The following AGBL1 variants were observed in gnomAD, a reference collection of about 807,000 sequenced individuals.
AGBL1 encodes the protein cytosolic carboxypeptidase 4.
A neutral mutation model predicts 118.9 loss-of-function variants in AGBL1; 130 were observed. The observed-to-expected ratio is 1.09, with a 90% CI of 0.95 to 1.26. The LOEUF (loss-of-function observed/expected upper bound fraction) is 1.26. AGBL1 is among the 50% of genes most tolerant of loss of function. The probability of loss-of-function intolerance (pLI) is 0.00; values close to 1 mark genes in which losing one functional copy is unlikely to be tolerated. For missense variants in AGBL1, 1,584 were observed against 1,298.1 expected, an observed-to-expected ratio of 1.22 and a Z score of -3.38; for synonymous variants, 555 against 478.9, an observed-to-expected ratio of 1.16 and a Z score of -2.08.
intron 19 of AGBL1, among the ~76,000 whole-genome samples, chr15:86,528,057 T>C (rs1000217541): frequency 2.6e-5 from 4 of 152,160 alleles, no homozygotes; most frequent in African/African-American, 9.7e-5. Context: ...GTGTCAGGGA[T>C]ACAAAGAAAA....
At chr15:86,810,321 C>T (rs1219767857) in intron 22 of AGBL1, among the ~76,000 whole-genome samples, 2 of 152,024 alleles carry the variant, frequency 1.3e-5, no homozygotes, top group East Asian at 3.9e-4. Flanking sequence ...TACAACGTGA[C>T]CAAATATTTT....
At chr15:86,323,008 C>T (rs543279773) in intron 17 of AGBL1, among the ~76,000 whole-genome samples, 295 of 152,236 alleles carry the variant, frequency 1.9e-3, no homozygotes, top group Middle Eastern at 0.014. Flanking sequence ...TTCCTGGGAT[C>T]TGTGGAGTTG....
chr15:86,792,930 C>A (rs2078516198), intron 22 of AGBL1, among the ~76,000 whole-genome samples: 1 of 152,112 alleles, frequency 6.6e-6, no homozygotes, highest in East Asian at 1.9e-4. Flanking sequence ...TCAAGTCAGT[C>A]CCATTCTATA....
At chr15:86,459,022 C>T (rs1304649082) in intron 18 of AGBL1, among the ~76,000 whole-genome samples, 6 of 152,116 alleles carry the variant, frequency 3.9e-5, no homozygotes, top group East Asian at 3.8e-4. Flanking sequence ...TACATATCCT[C>T]GAATGAACTA....
intron 22 of AGBL1, among the ~76,000 whole-genome samples, chr15:86,839,827 T>C (rs2079220180): frequency 6.6e-6 from 1 of 152,124 alleles, no homozygotes. Flanking sequence ...TCAAGCTGGG[T>C]TCCAGCTTCA....
chr15:86,397,300 A>G, intron 17 of AGBL1, 66 bp from the exon 18 acceptor site: 2 of 1,192,270 alleles, frequency 1.7e-6, no homozygotes, highest in Non-Finnish European at 2.2e-6. Context: ...AAAGAAGTTT[A>G]GAAAACTATA....
At chr15:86,392,741 C>T (rs991999387) in intron 17 of AGBL1, among the ~76,000 whole-genome samples, 7 of 152,158 alleles carry the variant, frequency 4.6e-5, no homozygotes, top group African/African-American at 9.7e-5. Flanking sequence ...GTCATTACCA[C>T]TATAAATTCA....
chr15:86,705,309 A>T (rs1009754510), intron 22 of AGBL1, among the ~76,000 whole-genome samples: 12 of 152,126 alleles, frequency 7.9e-5, no homozygotes, highest in African/African-American at 2.9e-4. Flanking sequence ...AAACAAAACA[A>T]AACAAAAACC....
intron 24 of AGBL1, among the ~76,000 whole-genome samples, chr15:87,020,952 A>C (rs1015876390): frequency 2.0e-5 from 3 of 152,186 alleles, no homozygotes; most frequent in East Asian, 1.9e-4. Context: ...TGCTATTCCC[A>C]TTCAACTACC....
chr15:86,411,984 C>T (rs866149666), intron 18 of AGBL1, among the ~76,000 whole-genome samples: 2 of 152,152 alleles, frequency 1.3e-5, no homozygotes, highest in South Asian at 2.1e-4. Context: ...GCACCCACTC[C>T]TAGCTGACTT....
chr15:86,654,947 C>A (rs2085439393), intron 21 of AGBL1, among the ~76,000 whole-genome samples: 1 of 152,098 alleles, frequency 6.6e-6, no homozygotes, highest in Non-Finnish European at 1.5e-5. Context: ...AATGTAATAT[C>A]TTCTCAACAG....
At chr15:86,513,240 A>G (rs980950201) in intron 18 of AGBL1, among the ~76,000 whole-genome samples, 19 of 151,864 alleles carry the variant, frequency 1.3e-4, no homozygotes, top group Non-Finnish European at 5.9e-5. Context: ...ATAGTTCCTC[A>G]GGTTTTTTTT....
Position 86,968,390 on chromosome 15 carries a change from A to G in AGBL1, c.3222-19597A>G, listed in dbSNP as rs1455717809. On this transcript the variant is annotated intron_variant, in intron 23 of 24. Transcript: ENST00000441037. ...AAAAAAACGACTTCTAAGCACAAAT[A>G]TGGCTTCAAACATTAAGCTTTGATT... Among the ~76,000 whole-genome samples, 5 of 152,110 alleles carry G rather than the reference A, an allele frequency of 3.3e-5. No homozygotes were observed. The East Asian group carries it at 9.7e-4, about 30-fold the overall frequency.
At chr15:86,328,876 G>A (rs532838773) in intron 17 of AGBL1, among the ~76,000 whole-genome samples, 14 of 152,298 alleles carry the variant, frequency 9.2e-5, no homozygotes, top group African/African-American at 3.1e-4. Context: ...ACAGGACACC[G>A]TTTTTAATTT....
At chr15:86,569,261 T>C (rs1185581144) in intron 21 of AGBL1, among the ~76,000 whole-genome samples, 1 of 119,358 alleles carries the variant, frequency 8.4e-6, no homozygotes, top group Admixed American at 8.2e-5. Flanking sequence ...GGCAGACCCA[T>C]CTCTACAAAA....
intron 18 of AGBL1, among the ~76,000 whole-genome samples, chr15:86,508,803 A>C (rs2083016465): frequency 6.6e-6 from 1 of 152,202 alleles, no homozygotes. Flanking sequence ...CTAAATCTGT[A>C]GTTAAGCGAA....
Position 87,023,065 on chromosome 15 carries a change from G to A in AGBL1, c.3324-5760G>A, listed in dbSNP as rs557476817. On this transcript the variant is annotated intron_variant, in intron 24 of 24. Coordinates refer to the AGBL1 transcript ENST00000441037. ...AAAATAAAAATACCATTTAAAAAAT[G>A]AAGTCAAAAAAACCAAGGTACACAG... Among the ~76,000 whole-genome samples, 9 of 151,844 alleles carry A rather than the reference G, an allele frequency of 5.9e-5. No homozygotes were observed. In the South Asian group the frequency reaches 1.9e-3, roughly 32 times the overall value.
At chr15:86,686,916 A>C in intron 22 of AGBL1, among the ~76,000 whole-genome samples, 1 of 152,168 alleles carries the variant, frequency 6.6e-6, no homozygotes, top group East Asian at 1.9e-4. Context: ...ACAGCTAGTA[A>C]GTGATGAAGC....
chr15:86,412,248 A>G (rs2081631218), intron 18 of AGBL1, among the ~76,000 whole-genome samples: 1 of 152,206 alleles, frequency 6.6e-6, no homozygotes, highest in African/African-American at 2.4e-5. Flanking sequence ...CTTTTGTAGA[A>G]TACACTGGTG....
Sources: allele counts gnomAD v4.1 joint callset (sites outside exome capture counted in the v4.1 genomes callset), GRCh38; gene constraint gnomAD v4.1.1; transcripts MANE v1.5; gene names NCBI Gene and HGNC (gene_info 2026-07-23, HGNC 2026-07-21).